ADAMTS17: variants seen among roughly 807,000 people sequenced by gnomAD.
The protein encoded by ADAMTS17 is A disintegrin and metalloproteinase with thrombospondin motifs 17.
Under a neutral mutation model 141.5 loss-of-function variants are expected in ADAMTS17, and 113 were observed. That is an observed-to-expected ratio of 0.80 (90% CI 0.69 to 0.93). The LOEUF (loss-of-function observed/expected upper bound fraction) is 0.93. Ranked by LOEUF, ADAMTS17 falls within the 40% of genes least tolerant of loss-of-function variation. The pLI is 0.00. For missense variants in ADAMTS17, 1,659 were observed against 1,517.9 expected (o/e 1.09, Z -1.54); for synonymous variants, 768 against 630.6 (o/e 1.22, Z -3.27).
rs2039937873 is a variant in ADAMTS17 at position 100,166,023 on chromosome 15, A to G, written c.1182-10703T>C. Among the ~76,000 whole-genome samples, 4 of 152,212 alleles carry G rather than the reference A, an allele frequency of 2.6e-5. No individual in the cohort carries two copies. The South Asian group carries it at 6.2e-4, about 24-fold the overall frequency. On this transcript the variant is annotated intron_variant, in intron 8 of 21. Coordinates refer to ENST00000268070, the MANE Select transcript of ADAMTS17 (RefSeq NM_139057.4). ...TGAATACACTGATTACTTTGGGGAGAAATCACATCATTAGAAGTTTGAGTC... is the reference window on the plus strand; with the variant it reads ...TGAATACACTGATTACTTTGGGGAGGAATCACATCATTAGAAGTTTGAGTC...
intron 12 of ADAMTS17, among the ~76,000 whole-genome samples, chr15:100,125,249 G>C (rs1315098994): frequency 6.6e-6 from 1 of 152,206 alleles, no homozygotes; most frequent in African/African-American, 2.4e-5. Flanking sequence ...CCAGGTTTAA[G>C]GCCTCCTCTG....
chr15:100,008,936 C>G (rs2061098680), intron 18 of ADAMTS17, among the ~76,000 whole-genome samples: 1 of 152,150 alleles, frequency 6.6e-6, no homozygotes, highest in African/African-American at 2.4e-5. Context: ...CCTCTTGGGG[C>G]TCAAGTGATC....
In ADAMTS17 at chr15:100,182,427, C is replaced by G. The variant is rs552221364; in HGVS notation, c.1181+16891G>C. On this transcript the variant is annotated intron_variant, in intron 8 of 21. Coordinates refer to ENST00000268070, the MANE Select transcript of ADAMTS17 (RefSeq NM_139057.4). ...GTGGGGACACAGATCCAAACCATATCACACTGTGATAGGGCAGCATTGAGT... is the reference window on the plus strand; with the variant it reads ...GTGGGGACACAGATCCAAACCATATGACACTGTGATAGGGCAGCATTGAGT... Among the ~76,000 whole-genome samples, 22 of 152,278 alleles carry G rather than the reference C, an allele frequency of 1.4e-4. No individual in the cohort carries two copies. In the South Asian group the frequency reaches 4.6e-3, roughly 32 times the overall value.
At chr15:100,320,977 G>A (rs928904691) in intron 3 of ADAMTS17, among the ~76,000 whole-genome samples, 1 of 152,212 alleles carries the variant, frequency 6.6e-6, no homozygotes, top group Non-Finnish European at 1.5e-5. Flanking sequence ...ACAATACTGA[G>A]CAAGCTGACA....
intron 8 of ADAMTS17, among the ~76,000 whole-genome samples, chr15:100,177,966 T>C (rs2040395641): frequency 6.6e-6 from 1 of 151,834 alleles, no homozygotes; most frequent in Non-Finnish European, 1.5e-5. Context: ...TTTTCTGATA[T>C]TAATATAGCG....
At chr15:100,084,844 C>T (rs950229355) in intron 15 of ADAMTS17, among the ~76,000 whole-genome samples, 6 of 152,178 alleles carry the variant, frequency 3.9e-5, no homozygotes, top group Admixed American at 2.0e-4. Context: ...CCCATCTGTA[C>T]ATCACCATCA....
intron 20 of ADAMTS17, 101 bp downstream of exon 20, chr15:99,992,947 G>C: frequency 6.8e-7 from 1 of 1,461,482 alleles, no homozygotes; most frequent in Non-Finnish European, 9.5e-7. Context: ...GTTACGCTGG[G>C]ACTGCCGCGT....
chr15:100,009,164 T>A (rs2061103795), intron 18 of ADAMTS17, among the ~76,000 whole-genome samples: 2 of 152,054 alleles, frequency 1.3e-5, no homozygotes, highest in African/African-American at 4.8e-5. Context: ...CTACCCGCTG[T>A]CTCATTCTCA....
intron 3 of ADAMTS17, among the ~76,000 whole-genome samples, chr15:100,327,009 G>T (rs1005450491): frequency 1.3e-5 from 2 of 152,162 alleles, no homozygotes; most frequent in Non-Finnish European, 2.9e-5. Context: ...TTTCATTTCT[G>T]TCATTTCCAA....
chr15:100,272,657 CTTCTT>C (rs1389982203), intron 4 of ADAMTS17, among the ~76,000 whole-genome samples: 1 of 75,274 alleles, frequency 1.3e-5, no homozygotes, highest in Non-Finnish European at 2.9e-5. Flanking sequence ...CATTTTACTA[CTTCTT>C]TTCTTATTTG....
intron 3 of ADAMTS17, among the ~76,000 whole-genome samples, chr15:100,306,901 T>A (rs1359233500): frequency 6.6e-6 from 1 of 152,160 alleles, no homozygotes; most frequent in Non-Finnish European, 1.5e-5. Flanking sequence ...GCCTTTCACC[T>A]AAGCATAGCC....
chr15:100,198,825 T>C (rs111344951), intron 8 of ADAMTS17, among the ~76,000 whole-genome samples: 16 of 152,170 alleles, frequency 1.1e-4, no homozygotes, highest in African/African-American at 3.9e-4. Flanking sequence ...GGTTATTTCA[T>C]CCTAAAGAGA....
intron 20 of ADAMTS17, among the ~76,000 whole-genome samples, chr15:99,977,554 T>C (rs968265799): frequency 1.3e-5 from 2 of 150,332 alleles, no homozygotes; most frequent in African/African-American, 2.4e-5. Flanking sequence ...GCTGGGATTA[T>C]AGGCACCTGC....
chr15:100,084,259 T>G (rs1243225762), intron 15 of ADAMTS17, among the ~76,000 whole-genome samples: 1 of 152,196 alleles, frequency 6.6e-6, no homozygotes, highest in Non-Finnish European at 1.5e-5. Flanking sequence ...CACAGCAGTC[T>G]GAGATCAAAC....
At chr15:100,319,432 G>C (rs945443147) in intron 3 of ADAMTS17, among the ~76,000 whole-genome samples, 1 of 152,170 alleles carries the variant, frequency 6.6e-6, no homozygotes, top group Non-Finnish European at 1.5e-5. Context: ...TCAGAAGCTG[G>C]CTGGGCAGTG....
chr15:100,087,359 C>T (rs1437603758), intron 15 of ADAMTS17, among the ~76,000 whole-genome samples: 2 of 152,202 alleles, frequency 1.3e-5, no homozygotes, highest in African/African-American at 4.8e-5. Context: ...GCTTACCAAC[C>T]AAAAAATGTC....
intron 17 of ADAMTS17, among the ~76,000 whole-genome samples, chr15:100,049,950 T>C (rs369249696): frequency 3.1e-4 from 47 of 152,320 alleles, no homozygotes; most frequent in African/African-American, 9.4e-4. Context: ...CTTAGCTCTA[T>C]TGCTGTCATT....
At chr15:100,113,989 C>T (rs1356814619) in intron 13 of ADAMTS17, among the ~76,000 whole-genome samples, 3 of 152,152 alleles carry the variant, frequency 2.0e-5, no homozygotes, top group African/African-American at 7.2e-5. Context: ...ATGAGAAAAG[C>T]AGAAATGGGG....
In ADAMTS17 at chr15:99,972,477, C is replaced by CAA. The variant is rs1000365598; in HGVS notation, c.*1923_*1924dup. On this transcript the variant is annotated 3_prime_UTR_variant, in exon 22 of 22. Transcript: ENST00000268070. ...CTTGCCCGGCTCTGCTCCTTGGCTG[C>CAA]AAAAGTCTAAATGTCTTTCAGTGAA... 3.3e-5 allele frequency: 5 copies of CAA among 152,234 alleles called. No individual in the cohort carries two copies. Among genetic ancestry groups the CAA allele is most frequent in the African/African-American group, 1.2e-4 (5 of 41,548 alleles). The allele number at this position is 152,234 out of a possible 1,614,324, so 9.4% of individuals were successfully genotyped here. A position where few individuals can be genotyped will look rare whatever the true frequency, so the allele number is the denominator to read the frequency against.
Sources: gnomAD v4.1 joint callset for allele counts (sites outside exome capture counted in the v4.1 genomes callset) on GRCh38, gnomAD v4.1.1 for gene constraint, MANE v1.5 for transcripts, NCBI Gene and HGNC (gene_info 2026-07-23, HGNC 2026-07-21) for gene names.